The following PCNX1 variants were observed in gnomAD, a reference collection of about 807,000 sequenced individuals.
The protein encoded by PCNX1 is pecanex-like protein 1.
A neutral mutation model predicts 242.2 loss-of-function variants in PCNX1; 78 were observed. The ratio of observed to expected loss-of-function variants is 0.32; its 90% CI spans 0.27 to 0.39. The LOEUF (loss-of-function observed/expected upper bound fraction) is 0.39, where lower values mean the gene tolerates loss of function less well. Among genes scored for constraint, PCNX1 ranks in the 10% least tolerant of loss-of-function variants. PCNX1 has a pLI of 1.00. For synonymous variants in PCNX1, 1,024 were observed against 1,032.9 expected, an observed-to-expected ratio of 0.99 and a Z score of 0.17; for missense variants, 2,581 against 2,856.5, an observed-to-expected ratio of 0.90 and a Z score of 2.20.
Position 70,995,882 on chromosome 14 carries a change from C to A in PCNX1, c.2586C>A (p.Asp862Glu). 1 of 1,613,986 alleles carries A rather than the reference C, an allele frequency of 6.2e-7. No homozygotes were observed. The highest frequency in any genetic ancestry group is 8.5e-7 in the Non-Finnish European group (1 of 1,179,878). ...NGSVHLEASHDNASAVGGSSL... is the reference protein window; with the variant it reads ...NGSVHLEASHENASAVGGSSL... ...GTGTCCACTTAGAAGCATCACATGA[C>A]AATGCATCTGCTGTAGGCGGTAGCA... The change falls in exon 8 of 36, where the codon GAC (aspartate) becomes GAA (glutamate). Residue 862 changes from aspartate (D) to glutamate (E), a missense_variant. This residue lies in a region of PCNX1 where 1,204 missense variants were observed against 1,216.7 expected (regional missense o/e 0.99). Coordinates refer to ENST00000304743, the MANE Select transcript of PCNX1 (RefSeq NM_014982.3).
At position 71,013,102 on chromosome 14, in the gene PCNX1, G is replaced by A; in HGVS notation, c.2896G>A (p.Ala966Thr). 1 of 1,614,138 alleles carries A rather than the reference G, an allele frequency of 6.2e-7. No homozygotes were observed. Among genetic ancestry groups the A allele is most frequent in the Non-Finnish European group, 8.5e-7 (1 of 1,180,006 alleles). ...LAATYGPTEE[A>T]AQKVKHYYRF... is the part of the protein sequence containing the mutation. ...AGCTACTTACGGCCCAACAGAAGAA[G>A]CTGCCCAAAAGGTTAAACACTATTA... is the stretch of plus-strand genomic sequence containing the variant. Residue 966 changes from alanine to threonine, a missense_variant, in exon 11 of 36, where the codon GCT becomes ACT. Physicochemically the swap from Ala to Thr is moderately conservative, Grantham distance 58. Coordinates refer to ENST00000304743, the MANE Select transcript of PCNX1 (RefSeq NM_014982.3).
intron 2 of PCNX1, among the ~76,000 whole-genome samples, chr14:70,952,155 C>G (rs1054432189): frequency 3.9e-5 from 6 of 152,112 alleles, no homozygotes; most frequent in Admixed American, 2.0e-4. Context: ...ATAGAGAGTT[C>G]TTAGAATAAT....
intron 33 of PCNX1, among the ~76,000 whole-genome samples, chr14:71,108,403 A>G (rs897592432): frequency 7.2e-5 from 11 of 152,234 alleles, no homozygotes; most frequent in African/African-American, 2.7e-4. Context: ...CAAATAAAAA[A>G]TATATTACAA....
intron 8 of PCNX1, among the ~76,000 whole-genome samples, chr14:70,997,903 A>G (rs2059398145): frequency 6.6e-6 from 1 of 152,236 alleles, no homozygotes; most frequent in South Asian, 2.1e-4. Context: ...TGGGTACTTT[A>G]TACTCAAATA....
At chr14:71,006,356 A>G (rs1219988828) in intron 8 of PCNX1, among the ~76,000 whole-genome samples, 2 of 151,974 alleles carry the variant, frequency 1.3e-5, no homozygotes, top group Admixed American at 1.3e-4. Flanking sequence ...ACAAGTCTGA[A>G]ATTCCAGTTT....
intron 7 of PCNX1, among the ~76,000 whole-genome samples, chr14:70,992,241 A>G (rs2059186987): frequency 1.3e-5 from 2 of 152,246 alleles, no homozygotes; most frequent in South Asian, 4.1e-4. Flanking sequence ...ATTGCCTGGA[A>G]TGGAATGAAA....
chr14:71,112,887 T>C lies in PCNX1; in HGVS notation c.*2952T>C, dbSNP rs914402535. ...CCCTCTTTTGAGAGAAAGGTAATCG[T>C]GGAATGAGTTATAAATTATTGCCTT... On this transcript the variant is annotated 3_prime_UTR_variant, in exon 36 of 36. Transcript: ENST00000304743. The C allele has an allele frequency of 2.6e-5, 4 of 152,186 alleles. No homozygotes were observed. Among genetic ancestry groups the C allele is most frequent in the African/African-American group, 9.6e-5 (4 of 41,460 alleles). The allele number at this position is 152,186 out of a possible 1,614,324, so 9.4% of individuals were successfully genotyped here.
At chr14:71,030,699 A>G (rs2060357690) in intron 16 of PCNX1, among the ~76,000 whole-genome samples, 1 of 152,054 alleles carries the variant, frequency 6.6e-6, no homozygotes, top group Non-Finnish European at 1.5e-5. Context: ...TCTAGAATGC[A>G]TTTTGGTTTT....
chr14:70,954,035 T>C (rs139027488), intron 2 of PCNX1, among the ~76,000 whole-genome samples: 2 of 152,340 alleles, frequency 1.3e-5, no homozygotes, highest in East Asian at 3.9e-4. Flanking sequence ...CTTTTTGAAG[T>C]TTCATGTTTC....
Position 71,103,598 on chromosome 14 carries a change from G to A in PCNX1, c.6024G>A (p.Gln2008=), listed in dbSNP as rs2062521306. ...CTTCTTACTCTGACAGCCACGAACA[G>A]CTTAAAGACATTCTTGGGGGTCCTA... is the stretch of plus-strand genomic sequence containing the variant. ...LTTSYSDSHE[Q]LKDILGGPIS... Residue 2008 remains glutamine, a synonymous_variant, in exon 32 of 36, where the codon CAG becomes CAA. Transcript: ENST00000304743. The A allele has an allele frequency of 6.2e-7, 1 of 1,614,144 alleles. No individual in the cohort carries two copies. Among genetic ancestry groups the A allele is most frequent in the Non-Finnish European group, 8.5e-7 (1 of 1,180,000 alleles).
chr14:71,064,137 A>G (rs1225879495), intron 26 of PCNX1, among the ~76,000 whole-genome samples: 3 of 152,136 alleles, frequency 2.0e-5, no homozygotes, highest in Admixed American at 2.0e-4. Flanking sequence ...AAGTGACTGG[A>G]AGATTTAGGT....
Position 71,036,283 on chromosome 14 carries a change from A to G in PCNX1, c.3867+126A>G, listed in dbSNP as rs2060529698. On this transcript the variant is annotated intron_variant, in intron 19 of 35. Transcript: ENST00000304743. Reference sequence around the variant, plus strand: ...AACCTTGAATCCCTGGGCTCAAGTGATCCTCCCACGTAGCTAGGACTACAG... The same window carrying G: ...AACCTTGAATCCCTGGGCTCAAGTGGTCCTCCCACGTAGCTAGGACTACAG... 7.7e-6 allele frequency: 5 copies of G among 647,066 alleles called. No homozygotes were observed. In the East Asian group the frequency reaches 1.4e-4, roughly 18 times the overall value. The allele number at this position is 647,066 out of a possible 1,614,324, so 40.1% of individuals were successfully genotyped here.
intron 30 of PCNX1, among the ~76,000 whole-genome samples, chr14:71,094,194 G>A (rs762326674): frequency 5.2e-4 from 79 of 152,300 alleles, no homozygotes; most frequent in African/African-American, 1.8e-3. Context: ...TAGCAGACAG[G>A]CATACAAATT....
At chr14:70,922,219 C>G (rs866379665) in intron 1 of PCNX1, among the ~76,000 whole-genome samples, 1 of 151,964 alleles carries the variant, frequency 6.6e-6, no homozygotes. Context: ...AGTTAAAAAT[C>G]CTTTGTTAAG....
intron 8 of PCNX1, among the ~76,000 whole-genome samples, chr14:71,003,666 A>T (rs1049707914): frequency 2.0e-5 from 3 of 152,236 alleles, no homozygotes; most frequent in African/African-American, 7.2e-5. Context: ...TGATTTGGGG[A>T]TTAGCAAGCA....
At chr14:71,087,015 A>C (rs529989388) in intron 28 of PCNX1, among the ~76,000 whole-genome samples, 2 of 152,310 alleles carry the variant, frequency 1.3e-5, no homozygotes, top group South Asian at 4.1e-4. Flanking sequence ...CTCATCACAG[A>C]AACAATACAT....
chr14:71,055,593 A>G, intron 25 of PCNX1, 31 bp downstream of exon 25: 2 of 1,397,212 alleles, frequency 1.4e-6, no homozygotes, highest in Non-Finnish European at 1.0e-6. Flanking sequence ...TAAGGAGGCA[A>G]GACTAAGGAT....
intron 19 of PCNX1, among the ~76,000 whole-genome samples, chr14:71,040,246 G>T (rs181464008): frequency 3.3e-5 from 5 of 152,022 alleles, no homozygotes; most frequent in Non-Finnish European, 7.4e-5. Context: ...TACTTCATTG[G>T]GTATAAAATT....
rs1269256514 is a variant in PCNX1, at chr14:71,057,612, C to T, written c.4740C>T (p.Tyr1580=). ...GDLLLGRWGN[Y]STGDCFILAS... Reference sequence around the variant, plus strand: ...TGCTACTAGGACGGTGGGGAAACTACAGTACAGGGGACTGTTTCATCCTTG... The same window carrying T: ...TGCTACTAGGACGGTGGGGAAACTATAGTACAGGGGACTGTTTCATCCTTG... Residue 1580 remains tyrosine (Y), a synonymous_variant, in exon 26 of 36, where the codon TAC becomes TAT. Coordinates refer to ENST00000304743, the MANE Select transcript of PCNX1 (RefSeq NM_014982.3). The T allele has an allele frequency of 1.2e-6, 2 of 1,613,226 alleles. No homozygotes were observed. The highest frequency in any genetic ancestry group is 1.3e-5 in the African/African-American group (1 of 74,890).
Sources: allele counts gnomAD v4.1 joint callset (sites outside exome capture counted in the v4.1 genomes callset), GRCh38; gene constraint gnomAD v4.1.1; regional missense constraint gnomAD v4.1.1; transcripts MANE v1.5; gene names NCBI Gene and HGNC (gene_info 2026-07-23, HGNC 2026-07-21).